TMEM120B: variants seen among roughly 807,000 people sequenced by gnomAD.
The protein encoded by TMEM120B is transmembrane protein 120B.
TMEM120B carries 31 observed loss-of-function variants against 55.5 expected under a neutral mutation model. The ratio of observed to expected loss-of-function variants is 0.56; its 90% confidence interval spans 0.42 to 0.75. The LOEUF is 0.75. TMEM120B is among the 30% of genes least tolerant of loss of function. The pLI, the probability that TMEM120B is intolerant of heterozygous loss-of-function variation, is 0.00. For missense variants in TMEM120B, 399 were observed against 425.5 expected (o/e 0.94, Z 0.55); for synonymous variants, 203 against 176.3 (o/e 1.15, Z -1.20).
At chr12:121,747,150 GAGGTTTA>G (rs1230691996) in intron 2 of TMEM120B, among the ~76,000 whole-genome samples, 3 of 152,134 alleles carry the variant, frequency 2.0e-5, no homozygotes, top group Non-Finnish European at 2.9e-5. Context: ...ATAAGGCAGA[GAGGTTTA>G]AGGACTTTCT....
At chr12:121,745,661 A>G (rs966960085) in intron 2 of TMEM120B, among the ~76,000 whole-genome samples, 1 of 149,560 alleles carries the variant, frequency 6.7e-6, no homozygotes, top group African/African-American at 2.5e-5. Context: ...CAAAGTGCTG[A>G]GATTACAGGT....
chr12:121,731,694 G>A (rs966050137), intron 1 of TMEM120B, among the ~76,000 whole-genome samples: 3 of 152,208 alleles, frequency 2.0e-5, no homozygotes, highest in African/African-American at 4.8e-5. Context: ...TTCTTAGAAC[G>A]ATCCTGTTTC....
chr12:121,745,301 G>A (rs983172811), intron 2 of TMEM120B, among the ~76,000 whole-genome samples: 2 of 152,166 alleles, frequency 1.3e-5, no homozygotes, highest in Non-Finnish European at 2.9e-5. Flanking sequence ...ATGATTGGTC[G>A]ACTGCTTATG....
At chr12:121,749,463 C>T (rs1467096858) in intron 3 of TMEM120B, among the ~76,000 whole-genome samples, 1 of 152,220 alleles carries the variant, frequency 6.6e-6, no homozygotes, top group Non-Finnish European at 1.5e-5. Flanking sequence ...GGGAGGATCA[C>T]TTGAGCCCAG....
intron 8 of TMEM120B, among the ~76,000 whole-genome samples, chr12:121,772,026 C>CCTTT (rs1050512842): frequency 2.7e-5 from 4 of 150,590 alleles, no homozygotes; most frequent in Non-Finnish European, 5.9e-5. Context: ...CCTTTCTTTC[C>CCTTT]CTTTCTTTCT....
intron 6 of TMEM120B, among the ~76,000 whole-genome samples, chr12:121,766,010 G>A (rs1873836027): frequency 1.3e-5 from 2 of 152,138 alleles, no homozygotes; most frequent in Admixed American, 1.3e-4. Context: ...AGTCTTTGCC[G>A]AAGTGACCCA....
chr12:121,728,344 C>G (rs1252214258), intron 1 of TMEM120B, among the ~76,000 whole-genome samples: 1 of 151,578 alleles, frequency 6.6e-6, no homozygotes, highest in Non-Finnish European at 1.5e-5. Context: ...AAAAAATTAG[C>G]CGGGCATGGT....
At chr12:121,728,488 CA>C (rs745979690) in intron 1 of TMEM120B, among the ~76,000 whole-genome samples, 1,731 of 102,586 alleles carry the variant, frequency 0.017, 25 homozygotes, top group African/African-American at 0.052. Context: ...GACTCCGTCT[CA>C]AAAAAAAAAA....
intron 1 of TMEM120B, among the ~76,000 whole-genome samples, chr12:121,743,356 C>T (rs1171480655): frequency 6.6e-6 from 1 of 151,462 alleles, no homozygotes; most frequent in African/African-American, 2.4e-5. Context: ...CGAGACCAGC[C>T]TGGCCAATAT....
At position 121,777,053 on chromosome 12, in the gene TMEM120B, T is replaced by C. The variant is rs1324913647; in HGVS notation, c.*1331T>C. Reference sequence around the variant, plus strand: ...TCACTGCAACCTCTGCCTCCCAGGTTCAAGTGATTCTCCTGCCTCAGCCTC... The same window carrying C: ...TCACTGCAACCTCTGCCTCCCAGGTCCAAGTGATTCTCCTGCCTCAGCCTC... On this transcript the variant is annotated 3_prime_UTR_variant, in exon 12 of 12. Transcript: ENST00000449592. The C allele has an allele frequency of 6.6e-6, 1 of 151,858 alleles. No individual in the cohort carries two copies. The highest frequency in any genetic ancestry group is 1.5e-5 in the Non-Finnish European group (1 of 68,038). The allele number at this position is 151,858 out of a possible 1,614,324, so 9.4% of individuals were successfully genotyped here.
chr12:121,777,221 C>T lies in TMEM120B; in HGVS notation c.*1499C>T, dbSNP rs1874275852. ...TCTTGACCTTGTGATCTGCCTGCCT[C>T]AGCCTCCCAAAGTGCTGGGATTACA... On this transcript the variant is annotated 3_prime_UTR_variant, in exon 12 of 12. Transcript: ENST00000449592. 1 of 152,216 alleles carries T rather than the reference C, an allele frequency of 6.6e-6. No individual in the cohort carries two copies. Among genetic ancestry groups the T allele is most frequent in the African/African-American group, 2.4e-5 (1 of 41,418 alleles). The allele number at this position is 152,216 out of a possible 1,614,324, so 9.4% of individuals were successfully genotyped here. A position where few individuals can be genotyped will look rare whatever the true frequency, so the allele number is the denominator to read the frequency against.
At chr12:121,770,523 T>G (rs1874005996) in intron 6 of TMEM120B, among the ~76,000 whole-genome samples, 1 of 151,974 alleles carries the variant, frequency 6.6e-6, no homozygotes, top group African/African-American at 2.4e-5. Flanking sequence ...CCCACATTCC[T>G]GGAGGGCCTG....
intron 1 of TMEM120B, 70 bp downstream of exon 1, chr12:121,713,034 C>T (rs1434552374): frequency 7.5e-7 from 1 of 1,336,202 alleles, no homozygotes; most frequent in African/African-American, 1.6e-5. Context: ...CCTGAGCCCC[C>T]CGGCCCGGGC....
intron 2 of TMEM120B, among the ~76,000 whole-genome samples, chr12:121,746,414 C>T (rs938190967): frequency 1.3e-5 from 2 of 151,970 alleles, no homozygotes; most frequent in African/African-American, 4.8e-5. Flanking sequence ...CTTGAACTCC[C>T]AACCTCAGGT....
intron 5 of TMEM120B, among the ~76,000 whole-genome samples, chr12:121,753,097 G>A (rs1873378044): frequency 2.0e-5 from 3 of 150,806 alleles, no homozygotes; most frequent in African/African-American, 7.5e-5. Context: ...GACAGAGGGA[G>A]ACCTGGTCTG....
In TMEM120B at chr12:121,780,189, C is replaced by T. The variant is rs533445949; in HGVS notation, c.*4467C>T. On this transcript the variant is annotated 3_prime_UTR_variant, in exon 12 of 12. Coordinates refer to ENST00000449592, the MANE Select transcript of TMEM120B (RefSeq NM_001080825.2). Reference sequence around the variant, plus strand: ...TCTCCTGCCTCAGCCTCCCGAGTAGCTGGGATTACAGGCATGCGCCACCAT... The same window carrying T: ...TCTCCTGCCTCAGCCTCCCGAGTAGTTGGGATTACAGGCATGCGCCACCAT... 6.4e-6 allele frequency: 1 copy of T among 156,014 alleles called. No homozygotes were observed. Among genetic ancestry groups the T allele is most frequent in the African/African-American group, 2.4e-5 (1 of 41,594 alleles). 9.7% of individuals were successfully genotyped at this position (156,014 alleles called of 1,614,324 possible).
intron 1 of TMEM120B, among the ~76,000 whole-genome samples, chr12:121,721,596 C>T (rs551017692): frequency 6.6e-5 from 10 of 151,058 alleles, no homozygotes; most frequent in African/African-American, 2.2e-4. Flanking sequence ...CTCAGTCTCC[C>T]GAGTAGCTGG....
At chr12:121,713,617 C>T (rs763552133) in intron 1 of TMEM120B, among the ~76,000 whole-genome samples, 5 of 152,146 alleles carry the variant, frequency 3.3e-5, no homozygotes, top group Non-Finnish European at 7.4e-5. Context: ...GGCCCGGAGC[C>T]TTACACGGGG....
chr12:121,776,012 T>G lies in TMEM120B; in HGVS notation c.*290T>G. ...GGCCAGTCTTCCTGGGGATGGGGCCTGAAGCCTCAGGGAGCCCCTCTGTTC... is the reference window on the plus strand; with the variant it reads ...GGCCAGTCTTCCTGGGGATGGGGCCGGAAGCCTCAGGGAGCCCCTCTGTTC... On this transcript the variant is annotated 3_prime_UTR_variant, in exon 12 of 12. Coordinates refer to ENST00000449592, the MANE Select transcript of TMEM120B (RefSeq NM_001080825.2). The G allele has an allele frequency of 5.1e-6, 3 of 591,838 alleles. No individual in the cohort carries two copies. Among genetic ancestry groups the G allele is most frequent in the Non-Finnish European group, 9.0e-6 (3 of 332,128 alleles). 36.7% of individuals were successfully genotyped at this position (591,838 alleles called of 1,614,324 possible). A position where few individuals can be genotyped will look rare whatever the true frequency, so the allele number is the denominator to read the frequency against.
Sources: gnomAD v4.1 joint callset for allele counts (sites outside exome capture counted in the v4.1 genomes callset) on GRCh38, gnomAD v4.1.1 for gene constraint, MANE v1.5 for transcripts, NCBI Gene and HGNC (gene_info 2026-07-23, HGNC 2026-07-21) for gene names.